Variants in GLIS3 observed in about 807,000 individuals in gnomAD.
The protein encoded by GLIS3 is zinc finger protein GLIS3.
Under a neutral mutation model 78.6 loss-of-function variants are expected in GLIS3, and 53 were observed. The ratio of observed to expected loss-of-function variants is 0.67; its 90% CI spans 0.54 to 0.85. GLIS3 has a LOEUF of 0.85. GLIS3 is among the 40% of genes least tolerant of loss of function. The pLI, the probability that GLIS3 is intolerant of heterozygous loss-of-function variation, is 0.00. For synonymous variants in GLIS3, 684 were observed against 509.9 expected (o/e 1.34, Z -4.60); for missense variants, 1,703 against 1,231.1 (o/e 1.38, Z -5.74).
rs374462023 is a variant in GLIS3 at position 4,230,627 on chromosome 9, TCA to T, written c.388+55409_388+55410del. ...TGCATCTGTGATACTGCCCAAGTCATCACAGAGCAGGGAAATATAAGCACCAT... is the reference window on the plus strand; with the variant it reads ...TGCATCTGTGATACTGCCCAAGTCATCAGAGCAGGGAAATATAAGCACCAT... On this transcript the variant is annotated intron_variant, in intron 2 of 10. Transcript: ENST00000381971. Among the ~76,000 whole-genome samples, 444 of 152,240 alleles carry T rather than the reference TCA, an allele frequency of 2.9e-3. 2 individuals are homozygous for T. Among genetic ancestry groups the T allele is most frequent in the African/African-American group, 0.01 (425 of 41,530 alleles).
At chr9:3,871,236 G>A (rs1240901567) in intron 8 of GLIS3, among the ~76,000 whole-genome samples, 4 of 152,174 alleles carry the variant, frequency 2.6e-5, no homozygotes, top group Admixed American at 2.6e-4. Context: ...CTGCCTCCTG[G>A]TTGCTTTCAT....
chr9:4,216,327 G>T (rs909861806), intron 2 of GLIS3, among the ~76,000 whole-genome samples: 3 of 152,006 alleles, frequency 2.0e-5, no homozygotes, highest in Admixed American at 2.0e-4. Context: ...AAAAAAATTA[G>T]CCGGGCGTGG....
chr9:3,958,053 G>C (rs187760364), intron 4 of GLIS3, among the ~76,000 whole-genome samples: 2 of 152,144 alleles, frequency 1.3e-5, no homozygotes, highest in Non-Finnish European at 2.9e-5. Flanking sequence ...TGGCTCCTTC[G>C]GTAATCCTAA....
intron 7 of GLIS3, among the ~76,000 whole-genome samples, chr9:3,883,406 C>G (rs1202406973): frequency 1.3e-5 from 2 of 152,216 alleles, no homozygotes; most frequent in African/African-American, 4.8e-5. Flanking sequence ...CCCACCACAA[C>G]ATATGGTTCC....
chr9:3,908,706 G>GTTTTTTTTTTTTTTTTTTTTTTTT (rs34789708), intron 6 of GLIS3, among the ~76,000 whole-genome samples: 4 of 85,554 alleles, frequency 4.7e-5, no homozygotes, highest in Non-Finnish European at 6.1e-5. Context: ...ATTTGTATTT[G>GTTTTTTTTTTTTTTTTTTTTTTTT]TTTTTTTTTT....
chr9:4,152,720 A>C (rs1834773205), intron 2 of GLIS3, among the ~76,000 whole-genome samples: 1 of 152,224 alleles, frequency 6.6e-6, no homozygotes, highest in Non-Finnish European at 1.5e-5. Context: ...TAAGGTGACA[A>C]GACGCAATGT....
At chr9:4,459,812 A>G in the GLIS3 span, among the ~76,000 whole-genome samples, 1 of 152,184 alleles carries the variant, frequency 6.6e-6, no homozygotes. Context: ...CTGTCTCAAA[A>G]AAGAAAAAAA....
intron 2 of GLIS3, among the ~76,000 whole-genome samples, chr9:4,133,876 C>T (rs1208999360): frequency 1.7e-5 from 2 of 115,024 alleles, no homozygotes. Flanking sequence ...ACACACACAC[C>T]GTACATCTGT....
the GLIS3 span, among the ~76,000 whole-genome samples, chr9:4,390,427 G>A: frequency 1.3e-5 from 2 of 151,738 alleles, no homozygotes; most frequent in Non-Finnish European, 2.9e-5. Flanking sequence ...GTGCATTGGA[G>A]CATTCATATC....
chr9:4,201,934 G>C (rs7868953), intron 2 of GLIS3, among the ~76,000 whole-genome samples: 12,288 of 152,024 alleles, frequency 0.081, 606 homozygotes, highest in East Asian at 0.23. Context: ...TCAGGCGTTC[G>C]AGACCAGCCT....
chr9:4,153,743 G>A (rs1586823670), intron 2 of GLIS3, among the ~76,000 whole-genome samples: 1 of 152,126 alleles, frequency 6.6e-6, no homozygotes, highest in Non-Finnish European at 1.5e-5. Flanking sequence ...ATTATAGTTT[G>A]GAAAGAAAAA....
the GLIS3 span, among the ~76,000 whole-genome samples, chr9:4,413,451 T>A: frequency 6.6e-6 from 1 of 152,196 alleles, no homozygotes; most frequent in Non-Finnish European, 1.5e-5. Flanking sequence ...ACTTGCCTCC[T>A]AAGCCTGCAC....
intron 8 of GLIS3, among the ~76,000 whole-genome samples, chr9:3,871,836 T>C (rs1397020406): frequency 6.6e-6 from 1 of 152,236 alleles, no homozygotes; most frequent in Non-Finnish European, 1.5e-5. Flanking sequence ...TGGCTCCTCG[T>C]TACTTATGCA....
intron 2 of GLIS3, among the ~76,000 whole-genome samples, chr9:4,282,502 C>T (rs368795811): frequency 6.6e-6 from 1 of 152,168 alleles, no homozygotes; most frequent in Non-Finnish European, 1.5e-5. Context: ...CCAACTGGGA[C>T]ACTGGCTTTT....
the GLIS3 span, among the ~76,000 whole-genome samples, chr9:4,474,277 G>A: frequency 6.6e-6 from 1 of 152,140 alleles, no homozygotes; most frequent in Non-Finnish European, 1.5e-5. Flanking sequence ...AGTTCAAGGT[G>A]GGCAGATTGC....
intron 9 of GLIS3, among the ~76,000 whole-genome samples, chr9:3,843,099 T>TC (rs1184559548): frequency 3.3e-5 from 5 of 152,210 alleles, no homozygotes; most frequent in African/African-American, 1.2e-4. Context: ...TTTGAGTGAC[T>TC]CAGAAGTCTT....
At chr9:4,180,112 G>A (rs938460305) in intron 2 of GLIS3, among the ~76,000 whole-genome samples, 4 of 152,184 alleles carry the variant, frequency 2.6e-5, no homozygotes, top group African/African-American at 9.6e-5. Flanking sequence ...AGGCTGAGCT[G>A]GGGAGAGTCA....
At chr9:3,854,563 G>C (rs1465540646) in intron 9 of GLIS3, among the ~76,000 whole-genome samples, 3 of 149,486 alleles carry the variant, frequency 2.0e-5, no homozygotes, top group South Asian at 2.1e-4. Flanking sequence ...TTGAGACAGA[G>C]TCTCGCTCTG....
chr9:4,039,313 A>G (rs919173747), intron 4 of GLIS3, among the ~76,000 whole-genome samples: 22 of 152,222 alleles, frequency 1.4e-4, no homozygotes, highest in Non-Finnish European at 8.8e-5. Context: ...TATTTTTCCC[A>G]GCTGTCCAAT....
Sources: gnomAD v4.1 joint callset for allele counts (sites outside exome capture counted in the v4.1 genomes callset) on GRCh38, gnomAD v4.1.1 for gene constraint, MANE v1.5 for transcripts, NCBI Gene and HGNC (gene_info 2026-07-23, HGNC 2026-07-21) for gene names.